Variants in GLIS3 observed in about 807,000 individuals in gnomAD.
The protein encoded by GLIS3 is zinc finger protein GLIS3.
A neutral mutation model predicts 78.6 loss-of-function variants in GLIS3; 53 were observed. The ratio of observed to expected loss-of-function variants is 0.67; its 90% CI spans 0.54 to 0.85. The LOEUF is 0.85. GLIS3 is among the 40% of genes least tolerant of loss of function. The probability of loss-of-function intolerance (pLI) is 0.00; values close to 1 mark genes in which losing one functional copy is unlikely to be tolerated. For missense variants in GLIS3, 1,703 were observed against 1,231.1 expected, an observed-to-expected ratio of 1.38 and a Z score of -5.74; for synonymous variants, 684 against 509.9, an observed-to-expected ratio of 1.34 and a Z score of -4.60.
chr9:4,025,888 T>C (rs1052812812), intron 4 of GLIS3, among the ~76,000 whole-genome samples: 1 of 152,178 alleles, frequency 6.6e-6, no homozygotes, highest in Admixed American at 6.5e-5. Flanking sequence ...GAAATAGCTC[T>C]CTTTTCTGGA....
At chr9:4,053,558 T>C (rs1423756738) in intron 4 of GLIS3, among the ~76,000 whole-genome samples, 1 of 151,278 alleles carries the variant, frequency 6.6e-6, no homozygotes, top group Non-Finnish European at 1.5e-5. Flanking sequence ...CGACAGAATA[T>C]CTCCTAAGCC....
chr9:4,009,104 T>C (rs1370925361), intron 4 of GLIS3, among the ~76,000 whole-genome samples: 1 of 152,184 alleles, frequency 6.6e-6, no homozygotes, highest in Non-Finnish European at 1.5e-5. Context: ...TAGATTAATG[T>C]CATAGAATCT....
At chr9:4,004,250 G>A (rs1318086182) in intron 4 of GLIS3, among the ~76,000 whole-genome samples, 1 of 152,156 alleles carries the variant, frequency 6.6e-6, no homozygotes, top group Non-Finnish European at 1.5e-5. Context: ...ACTGATTGAT[G>A]ACCAGACCAA....
intron 2 of GLIS3, among the ~76,000 whole-genome samples, chr9:4,152,750 G>C (rs990072472): frequency 2.6e-5 from 4 of 151,808 alleles, no homozygotes; most frequent in African/African-American, 9.7e-5. Flanking sequence ...AAAAGCAATA[G>C]GTTTCTTATA....
chr9:4,089,837 T>TA (rs1425556103), intron 4 of GLIS3, among the ~76,000 whole-genome samples: 6 of 152,000 alleles, frequency 3.9e-5, no homozygotes, highest in African/African-American at 1.2e-4. Context: ...CAAAAACCCA[T>TA]AAAAAATTGA....
chr9:4,189,166 G>A (rs530549235), intron 2 of GLIS3, among the ~76,000 whole-genome samples: 1 of 151,268 alleles, frequency 6.6e-6, no homozygotes, highest in African/African-American at 2.4e-5. Context: ...ACACTGCTTT[G>A]AATGTGTCCC....
chr9:3,900,484 A>AC (rs33918149), intron 6 of GLIS3, among the ~76,000 whole-genome samples: 2,787 of 151,916 alleles, frequency 0.018, 85 homozygotes, highest in African/African-American at 0.063. Context: ...GAAGATTTGT[A>AC]CCCCCCCCAA....
chr9:4,191,345 T>A (rs1818318032), intron 2 of GLIS3, among the ~76,000 whole-genome samples: 1 of 152,196 alleles, frequency 6.6e-6, no homozygotes, highest in Non-Finnish European at 1.5e-5. Flanking sequence ...CATTTTAGAG[T>A]TGATGAAATA....
chr9:4,439,270 C>T, the GLIS3 span, among the ~76,000 whole-genome samples: 2 of 152,196 alleles, frequency 1.3e-5, no homozygotes, highest in Non-Finnish European at 2.9e-5. Context: ...ATTCACGTAT[C>T]ATACAATTCA....
intron 4 of GLIS3, among the ~76,000 whole-genome samples, chr9:4,024,429 A>G (rs1823142942): frequency 6.6e-6 from 1 of 152,216 alleles, no homozygotes; most frequent in Non-Finnish European, 1.5e-5. Context: ...TTCTTGAATC[A>G]GCCCCATTAG....
the GLIS3 span, among the ~76,000 whole-genome samples, chr9:4,392,215 G>A: frequency 6.8e-6 from 1 of 146,842 alleles, no homozygotes; most frequent in East Asian, 2.1e-4. Context: ...ACAGGGAGGG[G>A]AACAACACAC....
At chr9:4,229,629 C>T (rs1204684475) in intron 2 of GLIS3, among the ~76,000 whole-genome samples, 1 of 152,132 alleles carries the variant, frequency 6.6e-6, no homozygotes, top group Non-Finnish European at 1.5e-5. Flanking sequence ...AAAATATTTC[C>T]AGTTTTATTA....
chr9:4,190,307 C>G (rs1818218468), intron 2 of GLIS3, among the ~76,000 whole-genome samples: 2 of 152,016 alleles, frequency 1.3e-5, no homozygotes, highest in African/African-American at 4.8e-5. Flanking sequence ...GAATGTATAA[C>G]TAGAATAACC....
chr9:4,181,488 T>C (rs1817320266), intron 2 of GLIS3, among the ~76,000 whole-genome samples: 1 of 152,224 alleles, frequency 6.6e-6, no homozygotes, highest in Non-Finnish European at 1.5e-5. Flanking sequence ...CCAAAGGCAC[T>C]ATAGTGGACA....
intron 9 of GLIS3, among the ~76,000 whole-genome samples, chr9:3,840,398 A>G (rs1253374185): frequency 1.3e-5 from 2 of 152,172 alleles, no homozygotes; most frequent in East Asian, 3.9e-4. Context: ...TCTACTAAGC[A>G]TCCTCCTGGA....
At chr9:3,983,603 G>C (rs1191400290) in intron 4 of GLIS3, among the ~76,000 whole-genome samples, 1 of 152,160 alleles carries the variant, frequency 6.6e-6, no homozygotes, top group Non-Finnish European at 1.5e-5. Flanking sequence ...TCCAGGCTGA[G>C]GTGGTCTCAG....
At chr9:4,132,274 A>C (rs991974514) in intron 2 of GLIS3, among the ~76,000 whole-genome samples, 1 of 151,998 alleles carries the variant, frequency 6.6e-6, no homozygotes, top group Non-Finnish European at 1.5e-5. Context: ...CATACATTCT[A>C]GCCAAAATCA....
chr9:4,067,349 CA>C (rs1827189670), intron 4 of GLIS3, among the ~76,000 whole-genome samples: 1 of 151,684 alleles, frequency 6.6e-6, no homozygotes, highest in African/African-American at 2.4e-5. Flanking sequence ...TTATTCTCTC[CA>C]AATGACTGGT....
At position 4,205,853 on chromosome 9, in the gene GLIS3, T is replaced by G. The variant is rs551943924; in HGVS notation, c.389-79912A>C. Among the ~76,000 whole-genome samples, 4 of 152,344 alleles carry G rather than the reference T, an allele frequency of 2.6e-5. No homozygotes were observed. In the East Asian group the frequency reaches 7.7e-4, roughly 29 times the overall value. ...AGTTTCAAGGGATAGGTAGACATAT[T>G]AAATATGGATGACTTCTCCTTTAAG... is the stretch of plus-strand genomic sequence containing the variant. On this transcript the variant is annotated intron_variant, in intron 2 of 10. Coordinates refer to ENST00000381971, the MANE Select transcript of GLIS3 (RefSeq NM_001042413.2).
Sources: allele counts gnomAD v4.1 joint callset (sites outside exome capture counted in the v4.1 genomes callset), GRCh38; gene constraint gnomAD v4.1.1; transcripts MANE v1.5; gene names NCBI Gene and HGNC (gene_info 2026-07-23, HGNC 2026-07-21).